The following ZNF37A variants were observed in gnomAD, a reference collection of about 807,000 sequenced individuals.
ZNF37A encodes zinc finger protein 37a (KOX 21).
ZNF37A carries 10 observed loss-of-function variants against 12.3 expected under a neutral mutation model. The observed-to-expected ratio is 0.82, with a 90% CI of 0.50 to 1.38. The LOEUF is 1.38. Among genes scored for constraint, ZNF37A ranks in the 40% most tolerant of loss-of-function variants. The pLI, the probability that ZNF37A is intolerant of heterozygous loss-of-function variation, is 0.00. For missense variants in ZNF37A, 580 were observed against 651.2 expected, an observed-to-expected ratio of 0.89 and a Z score of 1.19; for synonymous variants, 207 against 223.0, an observed-to-expected ratio of 0.93 and a Z score of 0.64.
At chr10:38,125,725 G>A (rs936270341), downstream of ZNF37A, among the ~76,000 whole-genome samples, 1 of 152,036 alleles carries the variant, frequency 6.6e-6, no homozygotes, top group Non-Finnish European at 1.5e-5. Context: ...GGGCTTTTTT[G>A]GGGAATAAAC....
rs1444055217 is a variant in ZNF37A, at chr10:38,114,799, G to A, written c.60G>A (p.Glu20=). ...FRDVTVGFTQ[E]EWQHLDPAQR... Reference sequence around the variant, plus strand: ...ATGTGACTGTGGGCTTCACTCAAGAGGAGTGGCAGCATCTGGACCCTGCTC... The same window carrying A: ...ATGTGACTGTGGGCTTCACTCAAGAAGAGTGGCAGCATCTGGACCCTGCTC... Residue 20 remains glutamate, a synonymous_variant, in exon 6 of 8, where the codon GAG becomes GAA. Transcript: ENST00000685332. 3.7e-6 allele frequency: 6 copies of A among 1,614,062 alleles called. No individual in the cohort carries two copies. Among genetic ancestry groups the A allele is most frequent in the Non-Finnish European group, 5.1e-6 (6 of 1,180,004 alleles).
At chr10:38,144,302 C>A (rs1564389837) in intron 7 of ZNF37A, 2 of 152,120 alleles carry the variant, frequency 1.3e-5, no homozygotes, top group African/African-American at 4.8e-5. Context: ...CTTCTTACTA[C>A]CTTCTAAGAT....
chr10:38,142,597 A>G (rs544519829), intron 7 of ZNF37A: 1 of 152,318 alleles, frequency 6.6e-6, no homozygotes, highest in South Asian at 2.1e-4. Context: ...AATGTATAAC[A>G]TGATTGGTCA....
chr10:38,132,283 C>T (rs543125530), intron 7 of ZNF37A, among the ~76,000 whole-genome samples: 3 of 152,100 alleles, frequency 2.0e-5, no homozygotes, highest in South Asian at 4.1e-4. Flanking sequence ...TCCTTTATTC[C>T]TAGTTTTCTG....
chr10:38,130,631 T>G (rs2070011372), intron 7 of ZNF37A, among the ~76,000 whole-genome samples: 1 of 151,462 alleles, frequency 6.6e-6, no homozygotes, highest in Admixed American at 6.6e-5. Flanking sequence ...CAGCTAAGTT[T>G]TGCATTTTTT....
chr10:38,125,445 A>G (rs570508547), downstream of ZNF37A: 13 of 152,284 alleles, frequency 8.5e-5, 1 homozygote, highest in South Asian at 1.7e-3. Context: ...AATTTTTTAA[A>G]TGTCCTGTGT....
At chr10:38,096,553 T>C (rs1275383795) in intron 4 of ZNF37A, 21 bp from the exon 5 acceptor site, 15 of 1,574,810 alleles carry the variant, frequency 9.5e-6, no homozygotes, top group Admixed American at 3.6e-5. Context: ...ACATCACTCA[T>C]GATCTTTTCT....
At chr10:38,116,039 C>T (rs1382368342) in intron 7 of ZNF37A, among the ~76,000 whole-genome samples, 1 of 152,004 alleles carries the variant, frequency 6.6e-6, no homozygotes, top group Non-Finnish European at 1.5e-5. Flanking sequence ...CATTGCACTG[C>T]AGCCTGGGTG....
intron 7 of ZNF37A, chr10:38,144,271 GAGAAA>G (rs2070224702): frequency 3.3e-5 from 5 of 151,070 alleles, no homozygotes; most frequent in Middle Eastern, 3.4e-3. Flanking sequence ...TAGTGTCTGT[GAGAAA>G]GAAAAGATAC....
chr10:38,142,078 C>G (rs1021387281), intron 7 of ZNF37A: 1 of 152,208 alleles, frequency 6.6e-6, no homozygotes, highest in African/African-American at 2.4e-5. Context: ...CCACTACACT[C>G]CAGCCTGGGT....
chr10:38,146,765 C>A (rs2070260251), exon 8 of ZNF37A: 1 of 398,540 alleles, frequency 2.5e-6, no homozygotes, highest in East Asian at 3.6e-5. Context: ...CCTGGGCCTG[C>A]ATGGATTTGT....
chr10:38,102,544 G>T (rs1487421103), intron 5 of ZNF37A, among the ~76,000 whole-genome samples: 1 of 152,008 alleles, frequency 6.6e-6, no homozygotes, highest in Non-Finnish European at 1.5e-5. Context: ...ATTGTTTTAT[G>T]TATCTGTCTT....
rs537710858 is a variant in ZNF37A at position 38,134,334 on chromosome 10, C to T, written c.239-12398C>T. Among the ~76,000 whole-genome samples the T allele has an allele frequency of 7.2e-5, 11 of 152,298 alleles. No individual in the cohort carries two copies. The South Asian group carries it at 1.2e-3, about 17-fold the overall frequency. On this transcript the variant is annotated intron_variant, in intron 7 of 7. Coordinates refer to the ZNF37A transcript ENST00000638053. Reference sequence around the variant, plus strand: ...CTGTCCAGCTTTGTTCTGTTGCTGGCGAGGAGCTGTGTTCCTTTGAAGGAG... The same window carrying T: ...CTGTCCAGCTTTGTTCTGTTGCTGGTGAGGAGCTGTGTTCCTTTGAAGGAG...
At chr10:38,143,069 G>A (rs942360008) in intron 7 of ZNF37A, 3 of 152,216 alleles carry the variant, frequency 2.0e-5, no homozygotes, top group African/African-American at 7.2e-5. Flanking sequence ...GAAGGTTGCT[G>A]TGTCCTTCCT....
intron 5 of ZNF37A, among the ~76,000 whole-genome samples, chr10:38,097,583 C>CAAAAAAAAAAAAAA (rs71007695): frequency 2.7e-4 from 17 of 61,944 alleles, no homozygotes; most frequent in African/African-American, 5.6e-4. Flanking sequence ...GACTCTGTCT[C>CAAAAAAAAAAAAAA]AAAAAAAAAA....
rs1464552640 is a variant in ZNF37A, at chr10:38,118,834, G to T, written c.1683G>T (p.Gly561=). 2 of 1,562,814 alleles carry T rather than the reference G, an allele frequency of 1.3e-6. No homozygotes were observed. Among genetic ancestry groups the T allele is most frequent in the African/African-American group, 2.7e-5 (2 of 73,168 alleles). Reference sequence around the variant, plus strand: ...TAGTAAACGAGGGAAATTACTCTGGGTGAAGTCAGAACTTTGTAGAACACA... The same window carrying T: ...TAGTAAACGAGGGAAATTACTCTGGTTGAAGTCAGAACTTTGTAGAACACA... ...INVVNEGNYS[G] Residue 561 remains glycine (G), a synonymous_variant, in exon 8 of 8, where the codon GGG becomes GGT. Coordinates refer to ENST00000685332, the MANE Select transcript of ZNF37A (RefSeq NM_001324250.3).
chr10:38,130,490 T>C (rs1281915911), downstream of ZNF37A, among the ~76,000 whole-genome samples: 1 of 152,194 alleles, frequency 6.6e-6, no homozygotes, highest in Non-Finnish European at 1.5e-5. Flanking sequence ...AGACAGAGTC[T>C]TGCTCTGTCA....
intron 5 of ZNF37A, among the ~76,000 whole-genome samples, chr10:38,104,248 T>G (rs2067838260): frequency 6.6e-6 from 1 of 152,116 alleles, no homozygotes; most frequent in Admixed American, 6.6e-5. Flanking sequence ...CTGAGAAAGT[T>G]TCAAGGAAGG....
Position 38,115,194 on chromosome 10 carries a change from G to T in ZNF37A, c.143-1G>T. 1 of 1,612,064 alleles carries T rather than the reference G, an allele frequency of 6.2e-7. No homozygotes were observed. Among genetic ancestry groups the T allele is most frequent in the Non-Finnish European group, 8.5e-7 (1 of 1,179,100 alleles). On this transcript the variant is annotated splice_acceptor_variant, in intron 6 of 7. Coordinates refer to ENST00000685332, the MANE Select transcript of ZNF37A (RefSeq NM_001324250.3). LOFTEE classifies it high-confidence loss of function. ...CCAAGTAATACAATTCTCATTCACA[G>T]GGTATTGCATTCCTAAACCAGAAGT...
Sources: allele counts gnomAD v4.1 joint callset (sites outside exome capture counted in the v4.1 genomes callset), GRCh38; gene constraint gnomAD v4.1.1; transcripts MANE v1.5; gene names NCBI Gene and HGNC (gene_info 2026-07-23, HGNC 2026-07-21).